The following RPS6KC1 variants were observed in gnomAD, a reference collection of about 807,000 sequenced individuals.
RPS6KC1 encodes the protein inactive ribosomal protein S6 kinase delta-1.
In RPS6KC1, 54 loss-of-function variants were observed where a neutral mutation model predicts 103.8. The observed-to-expected ratio is 0.52, with a 90% CI of 0.42 to 0.65. The LOEUF (loss-of-function observed/expected upper bound fraction) is 0.65. RPS6KC1 is among the 30% of genes least tolerant of loss of function. RPS6KC1 has a pLI of 0.00. For missense variants in RPS6KC1, 1,151 were observed against 1,253.8 expected, an observed-to-expected ratio of 0.92 and a Z score of 1.24; for synonymous variants, 439 against 438.7, an observed-to-expected ratio of 1.00 and a Z score of -0.01.
intron 8 of RPS6KC1, among the ~76,000 whole-genome samples, chr1:213,184,056 T>C (rs2092415346): frequency 6.6e-6 from 1 of 152,134 alleles, no homozygotes; most frequent in South Asian, 2.1e-4. Flanking sequence ...CCACCCAAAA[T>C]AAATAGATAA....
chr1:213,779,594 C>T, the RPS6KC1 span, among the ~76,000 whole-genome samples: 1 of 152,158 alleles, frequency 6.6e-6, no homozygotes, highest in Non-Finnish European at 1.5e-5. Context: ...AAATGAATCA[C>T]AACATAAGAT....
intron 5 of RPS6KC1, among the ~76,000 whole-genome samples, chr1:213,126,239 T>C (rs61834109): frequency 0.034 from 5,184 of 152,220 alleles, 122 homozygotes; most frequent in Middle Eastern, 0.054. Flanking sequence ...TTTCTTAGGA[T>C]AGTAGATAAA....
chr1:213,642,028 G>A, the RPS6KC1 span, among the ~76,000 whole-genome samples: 1 of 151,944 alleles, frequency 6.6e-6, no homozygotes, highest in African/African-American at 2.4e-5. Flanking sequence ...CAAAAGGAAA[G>A]AGAAATATAA....
At chr1:213,393,706 C>T in the RPS6KC1 span, among the ~76,000 whole-genome samples, 1 of 152,034 alleles carries the variant, frequency 6.6e-6, no homozygotes, top group South Asian at 2.1e-4. Flanking sequence ...CCTAAGGCTT[C>T]AGGGGAATGG....
the RPS6KC1 span, among the ~76,000 whole-genome samples, chr1:213,711,035 T>C: frequency 6.6e-6 from 1 of 152,196 alleles, no homozygotes; most frequent in Non-Finnish European, 1.5e-5. Flanking sequence ...TGGTGTTCTC[T>C]GTATTTCCCG....
chr1:213,065,516 T>A (rs968756552), intron 1 of RPS6KC1, among the ~76,000 whole-genome samples: 1 of 152,256 alleles, frequency 6.6e-6, no homozygotes, highest in Non-Finnish European at 1.5e-5. Flanking sequence ...TTGTTACTCA[T>A]GGATTTTTGC....
At chr1:213,291,302 A>G in the RPS6KC1 span, among the ~76,000 whole-genome samples, 4 of 152,188 alleles carry the variant, frequency 2.6e-5, no homozygotes, top group Non-Finnish European at 5.9e-5. Context: ...CCACCTTTTT[A>G]TACTTTGAGG....
the RPS6KC1 span, among the ~76,000 whole-genome samples, chr1:213,344,799 T>C: frequency 6.6e-6 from 1 of 152,216 alleles, no homozygotes; most frequent in Non-Finnish European, 1.5e-5. Context: ...CCTCCCAAAA[T>C]GCTGGGATTA....
At chr1:213,523,584 A>G in the RPS6KC1 span, among the ~76,000 whole-genome samples, 1 of 152,242 alleles carries the variant, frequency 6.6e-6, no homozygotes, top group Non-Finnish European at 1.5e-5. Flanking sequence ...TGTGCCCAGA[A>G]CACAGGGTCA....
the RPS6KC1 span, chr1:213,817,918 G>A: frequency 1.4e-4 from 21 of 152,128 alleles, 2 homozygotes; most frequent in Admixed American, 1.0e-3. Context: ...CAATATCTGC[G>A]TAATTCTCAC....
At chr1:213,279,958 G>A in the RPS6KC1 span, among the ~76,000 whole-genome samples, 2 of 152,208 alleles carry the variant, frequency 1.3e-5, no homozygotes, top group South Asian at 2.1e-4. Context: ...AGATGATTCT[G>A]ATGCTTGCTC....
the RPS6KC1 span, among the ~76,000 whole-genome samples, chr1:213,687,108 C>T: frequency 8.1e-4 from 123 of 152,248 alleles, no homozygotes; most frequent in African/African-American, 2.7e-3. Context: ...GCTTCTTTAC[C>T]GCATCCTGTT....
At chr1:213,285,798 G>T in the RPS6KC1 span, among the ~76,000 whole-genome samples, 1 of 152,020 alleles carries the variant, frequency 6.6e-6, no homozygotes, top group Non-Finnish European at 1.5e-5. Context: ...ATAATTAAGT[G>T]GTAAATGGGA....
At position 213,151,806 on chromosome 1, in the gene RPS6KC1, C is replaced by T. The variant is rs540840684; in HGVS notation, c.836-16052C>T. The stretch of plus-strand genomic sequence containing the variant: ...TGACCCCCCCCACCTCCCTCCCGGA[C>T]GGGGCAGCTGGCCGGGCGAGGGGCT... On this transcript the variant is annotated intron_variant, in intron 6 of 14. Coordinates refer to ENST00000366960, the MANE Select transcript of RPS6KC1 (RefSeq NM_012424.6). Among the ~76,000 whole-genome samples the T allele has an allele frequency of 1.0e-3, 124 of 124,168 alleles. No individual in the cohort carries two copies. In the East Asian group the frequency reaches 0.023, roughly 23 times the overall value. 81.5% of individuals were successfully genotyped at this position (124,168 alleles called of 152,430 possible). A position where few individuals can be genotyped will look rare whatever the true frequency, so the allele number is the denominator to read the frequency against.
At chr1:213,140,618 T>C (rs2086902081) in intron 6 of RPS6KC1, among the ~76,000 whole-genome samples, 2 of 152,158 alleles carry the variant, frequency 1.3e-5, no homozygotes, top group Non-Finnish European at 2.9e-5. Context: ...TTTTTAGTTC[T>C]ATTTATGTGG....
At chr1:213,607,349 A>T in the RPS6KC1 span, among the ~76,000 whole-genome samples, 2 of 152,256 alleles carry the variant, frequency 1.3e-5, no homozygotes, top group Non-Finnish European at 2.9e-5. Context: ...TCTTAGAGTA[A>T]TAAAGGATTT....
chr1:213,485,554 C>T, the RPS6KC1 span, among the ~76,000 whole-genome samples: 1 of 152,184 alleles, frequency 6.6e-6, no homozygotes, highest in Admixed American at 6.5e-5. Flanking sequence ...AGTCCATCAG[C>T]ATTATCTAGT....
At chr1:213,522,478 G>T in the RPS6KC1 span, among the ~76,000 whole-genome samples, 1 of 152,322 alleles carries the variant, frequency 6.6e-6, no homozygotes, top group South Asian at 2.1e-4. Flanking sequence ...TAACAAGAGA[G>T]TCAGCCTGTG....
the RPS6KC1 span, among the ~76,000 whole-genome samples, chr1:213,559,427 G>A: frequency 2.0e-5 from 3 of 152,202 alleles, no homozygotes; most frequent in African/African-American, 4.8e-5. Flanking sequence ...GAGGGCCACA[G>A]CATTTAAGTG....
Sources: allele counts gnomAD v4.1 joint callset (sites outside exome capture counted in the v4.1 genomes callset), GRCh38; gene constraint gnomAD v4.1.1; transcripts MANE v1.5; gene names NCBI Gene and HGNC (gene_info 2026-07-23, HGNC 2026-07-21).